Variants in FIBCD1 observed in about 807,000 individuals in gnomAD.
The protein encoded by FIBCD1 is fibrinogen C domain containing 1, also known as fibrinogen C domain-containing protein 1.
Under a neutral mutation model 45.1 loss-of-function variants are expected in FIBCD1, and 47 were observed. The ratio of observed to expected loss-of-function variants is 1.04; its 90% CI spans 0.82 to 1.33. The LOEUF is 1.33. FIBCD1 is among the 40% of genes most tolerant of loss of function. FIBCD1 has a pLI of 0.00. For missense variants in FIBCD1, 653 were observed against 682.2 expected (o/e 0.96, Z 0.48); for synonymous variants, 313 against 308.1 (o/e 1.02, Z -0.17).
intron 4 of FIBCD1, among the ~76,000 whole-genome samples, chr9:130,917,248 G>A (rs867480006): frequency 1.1e-4 from 17 of 152,364 alleles, no homozygotes; most frequent in Middle Eastern, 3.4e-3. Flanking sequence ...AGAAACACTC[G>A]CCGCAGCCGC....
chr9:130,937,019 A>G (rs1021023187), intron 1 of FIBCD1, among the ~76,000 whole-genome samples: 2 of 152,006 alleles, frequency 1.3e-5, no homozygotes, highest in South Asian at 2.1e-4. Context: ...GGAAGCAAAC[A>G]AGATGACACA....
chr9:130,908,326 T>G (rs961441184), intron 5 of FIBCD1, among the ~76,000 whole-genome samples: 2 of 152,166 alleles, frequency 1.3e-5, no homozygotes, highest in African/African-American at 4.8e-5. Flanking sequence ...CTTAAATGCT[T>G]CCTCCCGCAT....
rs779905589 is a variant in FIBCD1, at chr9:130,905,302, C to T, written c.1058G>A (p.Gly353Asp). 1 of 1,614,002 alleles carries T rather than the reference C, an allele frequency of 6.2e-7. No homozygotes were observed. The highest frequency in any genetic ancestry group is 1.1e-5 in the South Asian group (1 of 91,074). ...AYARYGSFGV[G>D]LFSVDPEEDG... ...TTCCTCAGGGTCCACGGAGAACAAG[C>T]CCACGCCGAAGCTCCCGTAGCGGGC... Residue 353 changes from glycine to aspartate, a missense_variant, in exon 6 of 7, where the codon GGC becomes GAC. Coordinates refer to ENST00000372338, the MANE Select transcript of FIBCD1 (RefSeq NM_032843.5).
chr9:130,923,711 T>C (rs746913675), intron 4 of FIBCD1, 33 bp downstream of exon 4: 23 of 1,607,190 alleles, frequency 1.4e-5, no homozygotes, highest in Non-Finnish European at 1.8e-5. Context: ...CCCCGGTGCC[T>C]GCCCTGCCGC....
chr9:130,906,855 T>G (rs1831936902), intron 5 of FIBCD1, among the ~76,000 whole-genome samples: 1 of 152,224 alleles, frequency 6.6e-6, no homozygotes, highest in South Asian at 2.1e-4. Context: ...GGGCGGCTCT[T>G]CTGGCAGGGC....
intron 5 of FIBCD1, among the ~76,000 whole-genome samples, chr9:130,910,158 C>T (rs1197068728): frequency 6.6e-6 from 1 of 152,216 alleles, no homozygotes; most frequent in Non-Finnish European, 1.5e-5. Flanking sequence ...GCGTGCGGCG[C>T]TTGCGGGCCA....
chr9:130,912,957 C>T (rs1832089236), intron 4 of FIBCD1, among the ~76,000 whole-genome samples: 1 of 152,136 alleles, frequency 6.6e-6, no homozygotes, highest in Non-Finnish European at 1.5e-5. Flanking sequence ...CAAAACAAGC[C>T]TGGGGCAGGG....
chr9:130,906,372 G>A (rs774420567), intron 5 of FIBCD1, among the ~76,000 whole-genome samples: 6 of 152,142 alleles, frequency 3.9e-5, no homozygotes, highest in South Asian at 2.1e-4. Flanking sequence ...GCCTCTCCCC[G>A]GCTCCGCACC....
rs1188243369 is a variant in FIBCD1, at chr9:130,929,882, C to T, written c.237G>A (p.Leu79=). 10 of 1,549,574 alleles carry T rather than the reference C, an allele frequency of 6.5e-6. No homozygotes were observed. The highest frequency in any genetic ancestry group is 8.7e-6 in the Non-Finnish European group (10 of 1,146,626). ...AGCTGTCCGCCCTTTCCACAGTGAC[C>T]AGGGCGCTGTTGGCGCTGGCAGCCC... ...STGAASANSA[L]VTVERADSSH... The change falls in exon 2 of 7, where the codon CTG becomes CTA. Residue 79 remains leucine (L), a synonymous_variant. Coordinates refer to ENST00000372338, the MANE Select transcript of FIBCD1 (RefSeq NM_032843.5).
intron 2 of FIBCD1, among the ~76,000 whole-genome samples, chr9:130,925,603 C>T (rs779141509): frequency 5.3e-5 from 8 of 152,166 alleles, no homozygotes; most frequent in Non-Finnish European, 1.0e-4. Context: ...AGCCGTTGTT[C>T]TCCATCCTTC....
At chr9:130,937,523 A>G (rs1042448072) in intron 1 of FIBCD1, among the ~76,000 whole-genome samples, 6 of 152,230 alleles carry the variant, frequency 3.9e-5, no homozygotes, top group Non-Finnish European at 7.3e-5. Context: ...AGCAGGTTGC[A>G]GCTCCTGAGA....
At chr9:130,930,955 C>G (rs1260248834) in intron 1 of FIBCD1, among the ~76,000 whole-genome samples, 1 of 152,170 alleles carries the variant, frequency 6.6e-6, no homozygotes, top group African/African-American at 2.4e-5. Context: ...CTTCCAACTG[C>G]AGCAGCCACA....
In FIBCD1 at chr9:130,924,390, A is replaced by G. The variant is rs565474779; in HGVS notation, c.559T>C (p.Ser187Pro). 1 of 1,607,672 alleles carries G rather than the reference A, an allele frequency of 6.2e-7. No individual in the cohort carries two copies. Among genetic ancestry groups the G allele is most frequent in the Admixed American group, 1.7e-5 (1 of 59,434 alleles). Reference protein sequence around the residue: ...SEQGRLIQLLSESQGHMAHLV... With the variant: ...SEQGRLIQLLPESQGHMAHLV... ...TGAGCCATGTGGCCCTGGCTCTCAG[A>G]GAGAAGCTGCGGAGCACAGGGGGTG... The change falls in exon 3 of 7, where the codon TCT becomes CCT. Residue 187 changes from serine (S) to proline (P), a missense_variant. By Grantham distance (74) the Ser-to-Pro change is moderately conservative. Coordinates refer to ENST00000372338, the MANE Select transcript of FIBCD1 (RefSeq NM_032843.5).
At chr9:130,909,129 C>G (rs933749844) in intron 5 of FIBCD1, among the ~76,000 whole-genome samples, 1 of 152,116 alleles carries the variant, frequency 6.6e-6, no homozygotes, top group South Asian at 2.1e-4. Context: ...CCCGCTCGCT[C>G]GCAGGGGAGT....
At position 130,924,275 on chromosome 9, in the gene FIBCD1, G is replaced by A. The variant is rs769784503; in HGVS notation, c.674C>T (p.Ala225Val). Residue 225 changes from alanine (A) to valine (V), a missense_variant, in exon 3 of 7, where the codon GCG becomes GTG. Coordinates refer to ENST00000372338, the MANE Select transcript of FIBCD1 (RefSeq NM_032843.5). ...CCGGGGCCGGGTTCCCCGGGCAGGC[G>A]CTCTCTGAAGGTCGGCCTTGTTGCG... The part of the protein sequence containing the change: ...RPRNKADLQR[A>V]PARGTRPRGC... 6.9e-6 allele frequency: 11 copies of A among 1,601,658 alleles called. No homozygotes were observed. The highest frequency in any genetic ancestry group is 6.7e-5 in the East Asian group (3 of 44,462).
chr9:130,918,744 G>A (rs1832207246), intron 4 of FIBCD1, among the ~76,000 whole-genome samples: 1 of 152,228 alleles, frequency 6.6e-6, no homozygotes, highest in African/African-American at 2.4e-5. Flanking sequence ...AGTGCCCCCA[G>A]GGAGGCCTCT....
chr9:130,920,023 C>T (rs1465196504), intron 4 of FIBCD1, among the ~76,000 whole-genome samples: 2 of 141,632 alleles, frequency 1.4e-5, no homozygotes, highest in Non-Finnish European at 3.1e-5. Context: ...AGCAGGGGCC[C>T]TCCTTCCGCC....
intron 5 of FIBCD1, among the ~76,000 whole-genome samples, chr9:130,910,569 GA>G (rs536081874): frequency 3.3e-5 from 5 of 152,396 alleles, no homozygotes; most frequent in Admixed American, 3.3e-4. Context: ...TCCACTAGGT[GA>G]AGCTAGCTGG....
At chr9:130,936,825 G>T (rs1169332918) in intron 1 of FIBCD1, among the ~76,000 whole-genome samples, 4 of 152,224 alleles carry the variant, frequency 2.6e-5, no homozygotes, top group Admixed American at 2.6e-4. Context: ...GATGCAGGAG[G>T]GGCCCAGGAC....
Sources: gnomAD v4.1 joint callset for allele counts (sites outside exome capture counted in the v4.1 genomes callset) on GRCh38, gnomAD v4.1.1 for gene constraint, MANE v1.5 for transcripts, NCBI Gene and HGNC (gene_info 2026-07-23, HGNC 2026-07-21) for gene names.